The following CNTN4 variants were observed in gnomAD, a reference collection of about 807,000 sequenced individuals.
The protein encoded by CNTN4 is contactin-4.
Under a neutral mutation model 122.5 loss-of-function variants are expected in CNTN4, and 77 were observed. The ratio of observed to expected loss-of-function variants is 0.63; its 90% CI spans 0.52 to 0.76. The LOEUF (loss-of-function observed/expected upper bound fraction) is 0.76. Ranked by LOEUF, CNTN4 falls within the 30% of genes least tolerant of loss-of-function variation. The pLI is 0.00. For missense variants in CNTN4, 1,256 were observed against 1,259.1 expected, an observed-to-expected ratio of 1.00 and a Z score of 0.04; for synonymous variants, 512 against 447.0, an observed-to-expected ratio of 1.15 and a Z score of -1.83.
chr3:2,501,487 G>A (rs1180617614), intron 3 of CNTN4, among the ~76,000 whole-genome samples: 2 of 152,178 alleles, frequency 1.3e-5, no homozygotes, highest in Non-Finnish European at 2.9e-5. Flanking sequence ...CCTTCAGGAG[G>A]TTCTAGGGGA....
chr3:2,801,490 A>G (rs961643882), intron 6 of CNTN4, among the ~76,000 whole-genome samples: 2 of 152,206 alleles, frequency 1.3e-5, no homozygotes, highest in Admixed American at 6.5e-5. Flanking sequence ...CACTGTAGGC[A>G]CAGTATGTCA....
At position 2,535,014 on chromosome 3, in the gene CNTN4, G is replaced by C. The variant is rs570828200; in HGVS notation, c.-88-36402G>C. On this transcript the variant is annotated intron_variant, in intron 3 of 24. Transcript: ENST00000418658. ...TCAAAGCCTTGCTTCAGCTCTAAAG[G>C]ACCTTCTTTACATAATAGCAAGAAT... Among the ~76,000 whole-genome samples, 601 of 151,996 alleles carry C rather than the reference G, an allele frequency of 4.0e-3. 3 individuals are homozygous for C. Among genetic ancestry groups the C allele is most frequent in the East Asian group, 0.01 (54 of 5,152 alleles).
intron 2 of CNTN4, among the ~76,000 whole-genome samples, chr3:2,338,718 T>C (rs1163556095): frequency 1.3e-5 from 2 of 152,258 alleles, no homozygotes; most frequent in South Asian, 2.1e-4. Flanking sequence ...GAATGTACAA[T>C]TTATGTGAAG....
chr3:2,476,271 A>G lies in CNTN4; in HGVS notation c.-88-95145A>G, dbSNP rs558520145. On this transcript the variant is annotated intron_variant, in intron 3 of 24. Coordinates refer to ENST00000418658, the MANE Select transcript of CNTN4 (RefSeq NM_175607.3). ...AAACCAGAGGCAGAGTAGGTTAAGT[A>G]CATGGAAGTGGAGTGAGCCAATGTC... 9.2e-5 allele frequency among the ~76,000 whole-genome samples: 14 copies of G among 152,280 alleles called. No homozygotes were observed. In the South Asian group the frequency reaches 2.9e-3, roughly 32 times the overall value.
At chr3:2,444,410 G>C (rs1366119294) in intron 3 of CNTN4, among the ~76,000 whole-genome samples, 3 of 152,124 alleles carry the variant, frequency 2.0e-5, no homozygotes, top group Non-Finnish European at 2.9e-5. Context: ...GGAGATGCTT[G>C]TCCTGGGAAG....
intron 2 of CNTN4, among the ~76,000 whole-genome samples, chr3:2,223,060 C>T (rs1303494413): frequency 2.6e-5 from 4 of 152,114 alleles, no homozygotes; most frequent in Non-Finnish European, 5.9e-5. Context: ...AATTTTGGCT[C>T]CCACCTTAGC....
rs374217743 is a variant in CNTN4 at position 2,522,552 on chromosome 3, TG to T, written c.-88-48862del. ...TTTTTCTCATGTTAATTTGACTTACTGGCTATTAATAATAAGAAACGCACTA... is the reference window on the plus strand; with the variant it reads ...TTTTTCTCATGTTAATTTGACTTACTGCTATTAATAATAAGAAACGCACTA... On this transcript the variant is annotated intron_variant, in intron 3 of 24. Transcript: ENST00000418658. 7.7e-4 allele frequency among the ~76,000 whole-genome samples: 117 copies of T among 152,286 alleles called. 1 individual carries two copies. The highest frequency in any genetic ancestry group is 3.4e-3 in the Middle Eastern group (1 of 294).
intron 3 of CNTN4, among the ~76,000 whole-genome samples, chr3:2,414,075 A>G (rs1336340472): frequency 6.6e-6 from 1 of 152,210 alleles, no homozygotes; most frequent in African/African-American, 2.4e-5. Context: ...TGCCTCCAGC[A>G]TACGAATGAT....
At chr3:2,280,259 A>G (rs1284496798) in intron 2 of CNTN4, among the ~76,000 whole-genome samples, 3 of 152,254 alleles carry the variant, frequency 2.0e-5, no homozygotes, top group Non-Finnish European at 1.5e-5. Context: ...TGCACCCAGT[A>G]TCAACAGGCA....
intron 14 of CNTN4, among the ~76,000 whole-genome samples, chr3:3,019,795 T>TAC (rs1276165056): frequency 8.5e-6 from 1 of 118,236 alleles, no homozygotes; most frequent in African/African-American, 3.5e-5. Context: ...TATATATATA[T>TAC]ATACACATGC....
intron 4 of CNTN4, among the ~76,000 whole-genome samples, chr3:2,615,326 G>C (rs1327079197): frequency 6.6e-6 from 1 of 152,148 alleles, no homozygotes; most frequent in African/African-American, 2.4e-5. Context: ...AGCAGAAGTT[G>C]GTGACTTTCA....
intron 23 of CNTN4, among the ~76,000 whole-genome samples, chr3:3,047,303 C>T (rs1700760383): frequency 6.6e-6 from 1 of 152,154 alleles, no homozygotes; most frequent in Non-Finnish European, 1.5e-5. Flanking sequence ...GAACTCTCCA[C>T]CCCAAATCAA....
chr3:2,660,684 T>C (rs953636169), intron 4 of CNTN4, among the ~76,000 whole-genome samples: 1 of 152,232 alleles, frequency 6.6e-6, no homozygotes, highest in Non-Finnish European at 1.5e-5. Flanking sequence ...CTGCCTCTAT[T>C]TGTCTCCACC....
At chr3:2,557,982 A>G (rs1575984560) in intron 3 of CNTN4, among the ~76,000 whole-genome samples, 1 of 152,196 alleles carries the variant, frequency 6.6e-6, no homozygotes, top group South Asian at 2.1e-4. Context: ...GCAGCAAACT[A>G]TAAATATAAA....
intron 6 of CNTN4, among the ~76,000 whole-genome samples, chr3:2,761,642 T>C (rs1171225433): frequency 6.6e-6 from 1 of 152,194 alleles, no homozygotes; most frequent in Non-Finnish European, 1.5e-5. Context: ...CCCTGAGAAC[T>C]GAATTGGATC....
At chr3:2,167,603 A>T (rs1350234477) in intron 2 of CNTN4, among the ~76,000 whole-genome samples, 1 of 152,212 alleles carries the variant, frequency 6.6e-6, no homozygotes, top group African/African-American at 2.4e-5. Context: ...ATCCAAGACA[A>T]ATGATGTAAT....
intron 2 of CNTN4, among the ~76,000 whole-genome samples, chr3:2,114,197 A>C (rs1434051965): frequency 2.0e-5 from 3 of 152,082 alleles, no homozygotes; most frequent in African/African-American, 7.2e-5. Context: ...TCACACCTGT[A>C]ATCCCAGGAC....
intron 4 of CNTN4, among the ~76,000 whole-genome samples, chr3:2,601,311 C>T (rs1303270752): frequency 6.6e-6 from 1 of 152,164 alleles, no homozygotes; most frequent in Admixed American, 6.5e-5. Context: ...CCTAGGTTTT[C>T]TTCTAGCATT....
intron 4 of CNTN4, among the ~76,000 whole-genome samples, chr3:2,662,027 T>A (rs998628809): frequency 6.6e-6 from 1 of 152,120 alleles, no homozygotes; most frequent in Non-Finnish European, 1.5e-5. Context: ...GAAATTTCAT[T>A]CAAAAAACAC....
Sources: allele counts gnomAD v4.1 joint callset (sites outside exome capture counted in the v4.1 genomes callset), GRCh38; gene constraint gnomAD v4.1.1; transcripts MANE v1.5; gene names NCBI Gene and HGNC (gene_info 2026-07-23, HGNC 2026-07-21).